The following CPNE5 variants were observed in gnomAD, a reference collection of about 807,000 sequenced individuals.
CPNE5 encodes copine-5.
In CPNE5, 42 loss-of-function variants were observed where a neutral mutation model predicts 81.1. The ratio of observed to expected loss-of-function variants is 0.52; its 90% CI spans 0.40 to 0.67. The LOEUF (loss-of-function observed/expected upper bound fraction) is 0.67. Among genes scored for constraint, CPNE5 ranks in the 30% least tolerant of loss-of-function variants. The pLI is 0.00. For missense variants in CPNE5, 612 were observed against 815.5 expected (o/e 0.75, Z 3.04); for synonymous variants, 313 against 321.5 (o/e 0.97, Z 0.28).
At chr6:36,836,379 G>A (rs1773505170) in intron 1 of CPNE5, among the ~76,000 whole-genome samples, 1 of 152,156 alleles carries the variant, frequency 6.6e-6, no homozygotes, top group Non-Finnish European at 1.5e-5. Flanking sequence ...AGAAGGCTCT[G>A]TGGTAGGGGA....
At chr6:36,799,917 G>A (rs1380096356) in intron 4 of CPNE5, 50 bp downstream of exon 4, 2 of 1,350,046 alleles carry the variant, frequency 1.5e-6, no homozygotes. Context: ...CTACCTGCCA[G>A]CAATCTTCCT....
At chr6:36,783,415 G>A (rs187743054) in intron 8 of CPNE5, among the ~76,000 whole-genome samples, 3 of 147,394 alleles carry the variant, frequency 2.0e-5, no homozygotes, top group East Asian at 2.0e-4. Context: ...TACCTAGTAC[G>A]TGCTATAGTA....
chr6:36,825,306 T>C (rs1772407842), intron 1 of CPNE5, among the ~76,000 whole-genome samples: 1 of 152,110 alleles, frequency 6.6e-6, no homozygotes, highest in Admixed American at 6.5e-5. Context: ...CAGATTGCAT[T>C]CATTAATACC....
chr6:36,789,363 C>G (rs1768886863), intron 8 of CPNE5, among the ~76,000 whole-genome samples: 2 of 152,178 alleles, frequency 1.3e-5, no homozygotes, highest in African/African-American at 4.8e-5. Flanking sequence ...TTACCAACCC[C>G]TGGAATGCTA....
intron 13 of CPNE5, among the ~76,000 whole-genome samples, chr6:36,753,538 G>A (rs1396667491): frequency 2.0e-5 from 3 of 152,328 alleles, no homozygotes; most frequent in East Asian, 1.9e-4. Context: ...TGCCAATGCC[G>A]ACCAGCTTCA....
chr6:36,765,201 C>G, intron 11 of CPNE5, 134 bp downstream of exon 11: 1 of 847,410 alleles, frequency 1.2e-6, no homozygotes, highest in Non-Finnish European at 1.8e-6. Flanking sequence ...TCCACACACA[C>G]GCAAACCCAG....
chr6:36,798,186 C>T lies in CPNE5; in HGVS notation c.383G>A (p.Ser128Asn). The T allele has an allele frequency of 1.2e-6, 2 of 1,613,912 alleles. No homozygotes were observed. Among genetic ancestry groups the T allele is most frequent in the Non-Finnish European group, 8.5e-7 (1 of 1,179,932 alleles). The change falls in exon 6 of 21, where the codon AGC (serine) becomes AAC (asparagine). Residue 128 changes from serine to asparagine, a missense_variant. Physicochemically the swap from Ser to Asn is conservative, Grantham distance 46. Coordinates refer to ENST00000244751, the MANE Select transcript of CPNE5 (RefSeq NM_020939.2). ...TLGEIVGSPG[S>N]RLEKPLTIGA... ...TCACGTGAGGGGCTTTTCCAGGCGG[C>T]TCCCAGGGGACCCCACAATCTCTCC...
chr6:36,817,423 C>CG, intron 3 of CPNE5, among the ~76,000 whole-genome samples: 1 of 152,292 alleles, frequency 6.6e-6, no homozygotes, highest in East Asian at 1.9e-4. Context: ...AGTCTGGGCA[C>CG]GGGTCCTGCT....
At chr6:36,745,256 A>C (rs1388335899) in intron 17 of CPNE5, 106 bp from the exon 18 acceptor site, 2 of 1,418,754 alleles carry the variant, frequency 1.4e-6, no homozygotes, top group African/African-American at 1.4e-5. Context: ...TCTTGGGGGA[A>C]TCTCTTCAGG....
chr6:36,774,944 A>T lies in CPNE5; in HGVS notation c.737+17T>A, dbSNP rs112009658. On this transcript the variant is annotated intron_variant, in intron 10 of 20. Transcript: ENST00000244751. ...CAGAAGCAGAAGGAAAAAAGAAGGG[A>T]CATTTTCTCATCTCACCGATCGTAG... The T allele has an allele frequency of 2.1e-3, 3,344 of 1,595,992 alleles. 57 individuals are homozygous for T. In the African/African-American group the frequency reaches 0.039, roughly 18 times the overall value.
chr6:36,745,377 G>A lies in CPNE5; in HGVS notation c.1328+11C>T, dbSNP rs372961954. On this transcript the variant is annotated intron_variant, in intron 17 of 20. Coordinates refer to ENST00000244751, the MANE Select transcript of CPNE5 (RefSeq NM_020939.2). ...TTGTGAGTGCCTGGAGGCGGTGGCAGCGGCACTCACCTGGCCACGTGGGTG... is the reference window on the plus strand; with the variant it reads ...TTGTGAGTGCCTGGAGGCGGTGGCAACGGCACTCACCTGGCCACGTGGGTG... The A allele has an allele frequency of 1.6e-4, 264 of 1,601,626 alleles. No homozygotes were observed. In the African/African-American group the frequency reaches 3.1e-3, roughly 19 times the overall value.
intron 9 of CPNE5, among the ~76,000 whole-genome samples, chr6:36,775,498 G>A (rs757076092): frequency 1.6e-4 from 24 of 152,190 alleles, no homozygotes; most frequent in Non-Finnish European, 3.1e-4. Flanking sequence ...TGTGAACCCC[G>A]GAAACACTAG....
Position 36,744,302 on chromosome 6 carries a change from G to A in CPNE5, c.1455C>T (p.Ile485=). The A allele has an allele frequency of 6.3e-7, 1 of 1,584,416 alleles. No individual in the cohort carries two copies. Among genetic ancestry groups the A allele is most frequent in the East Asian group, 2.3e-5 (1 of 43,956 alleles). The change falls in exon 19 of 21, where the codon ATC becomes ATT. Residue 485 remains isoleucine (I), a synonymous_variant. Coordinates refer to ENST00000244751, the MANE Select transcript of CPNE5 (RefSeq NM_020939.2). The part of the protein sequence containing the change: ...IVNAAKLPMS[I]IIVGVGQAEF... ...CTGCCTGGCCCACGCCGACGATAAT[G>A]ATGGACATGGGGAGCTTGGCAGCCT...
At chr6:36,760,791 T>C (rs1046098160) in intron 12 of CPNE5, among the ~76,000 whole-genome samples, 20 of 152,160 alleles carry the variant, frequency 1.3e-4, no homozygotes, top group African/African-American at 4.8e-4. Context: ...CAGCTGGACA[T>C]AGGAGCCTGA....
chr6:36,785,200 C>G (rs1252721019), intron 8 of CPNE5, among the ~76,000 whole-genome samples: 1 of 152,144 alleles, frequency 6.6e-6, no homozygotes, highest in East Asian at 1.9e-4. Context: ...CTGGTCTGCT[C>G]TGGCATCTTA....
In CPNE5 at chr6:36,743,166, C is replaced by T. The variant is rs568320347; in HGVS notation, c.1563+523G>A. The T allele has an allele frequency of 4.4e-5, 43 of 985,440 alleles. No individual in the cohort carries two copies. In the African/African-American group the frequency reaches 7.1e-4, roughly 16 times the overall value. The allele number at this position is 985,440 out of a possible 1,614,324, so 61.0% of individuals were successfully genotyped here. On this transcript the variant is annotated intron_variant, in intron 20 of 20. Coordinates refer to ENST00000244751, the MANE Select transcript of CPNE5 (RefSeq NM_020939.2). Reference sequence around the variant, plus strand: ...TGCATCTCCTAAGCACTAGGGCCTCCTCTGCAGGGGATGAGTGGGGGAAGT... The same window carrying T: ...TGCATCTCCTAAGCACTAGGGCCTCTTCTGCAGGGGATGAGTGGGGGAAGT...
chr6:36,742,907 G>A, intron 20 of CPNE5: 1 of 985,304 alleles, frequency 1.0e-6, no homozygotes, highest in Non-Finnish European at 1.2e-6. Flanking sequence ...TTTCTCTCTG[G>A]GGCTAATCTG....
At chr6:36,781,940 C>T (rs999990686) in intron 8 of CPNE5, among the ~76,000 whole-genome samples, 56 of 152,100 alleles carry the variant, frequency 3.7e-4, no homozygotes, top group African/African-American at 1.4e-3. Context: ...CAGCAAGGAA[C>T]TCAGAGCTCA....
intron 8 of CPNE5, among the ~76,000 whole-genome samples, chr6:36,782,422 A>G (rs1212731787): frequency 1.3e-5 from 2 of 152,194 alleles, no homozygotes; most frequent in African/African-American, 4.8e-5. Context: ...ATTAGAAAAA[A>G]TGAAAGAACT....
Sources: allele counts gnomAD v4.1 joint callset (sites outside exome capture counted in the v4.1 genomes callset), GRCh38; gene constraint gnomAD v4.1.1; transcripts MANE v1.5; gene names NCBI Gene and HGNC (gene_info 2026-07-23, HGNC 2026-07-21).